Variants in PCDH11Y observed in about 807,000 individuals in gnomAD.
PCDH11Y encodes the protein protocadherin 11 Y-linked, also known as protocadherin-11 Y-linked.
For missense variants in PCDH11Y, 12 were observed against 224.8 expected, an observed-to-expected ratio of 0.05 and a Z score of 6.05; for synonymous variants, 9 against 83.6, an observed-to-expected ratio of 0.11 and a Z score of 4.87.
chrY:5,695,667 AC>A (rs2053571866), intron 4 of PCDH11Y, among the ~76,000 whole-genome samples: 1 of 28,915 alleles, frequency 3.5e-5, no homozygotes, highest in Non-Finnish European at 8.2e-5. Flanking sequence ...GTTTGAAATT[AC>A]CACGAGGCTT....
rs1602850278 is a variant in PCDH11Y at position 5,050,997 on chromosome Y, A to G, written c.33-5892A>G. 4.4e-4 allele frequency among the ~76,000 whole-genome samples: 14 copies of G among 32,102 alleles called. No individual in the cohort carries two copies. The East Asian group carries it at 0.011, about 26-fold the overall frequency. 86.1% of individuals were successfully genotyped at this position (32,102 alleles called of 37,273 possible). A position where few individuals can be genotyped will look rare whatever the true frequency, so the allele number is the denominator to read the frequency against. ...GATCTCTTTAATTTTGTGATGCTATACCACCTCCATAATTTCACCCATGAA... is the reference window on the plus strand; with the variant it reads ...GATCTCTTTAATTTTGTGATGCTATGCCACCTCCATAATTTCACCCATGAA... On this transcript the variant is annotated intron_variant, in intron 3 of 5. Coordinates refer to the PCDH11Y transcript ENST00000333703.
intron 2 of PCDH11Y, among the ~76,000 whole-genome samples, chrY:5,314,794 G>A (rs2053105513): frequency 3.0e-5 from 1 of 33,066 alleles, no homozygotes; most frequent in African/African-American, 1.2e-4. Flanking sequence ...TGTTGCATGT[G>A]AAAAGAGCTT....
At chrY:5,499,217 C>T (rs2053349702) in intron 2 of PCDH11Y, among the ~76,000 whole-genome samples, 1 of 32,616 alleles carries the variant, frequency 3.1e-5, no homozygotes, top group Non-Finnish European at 7.5e-5. Flanking sequence ...TTAGTTCCAG[C>T]AAGCTTTTCT....
intron 4 of PCDH11Y, among the ~76,000 whole-genome samples, chrY:5,669,711 C>T (rs2053547581): frequency 3.4e-5 from 1 of 29,362 alleles, no homozygotes; most frequent in Non-Finnish European, 8.2e-5. Flanking sequence ...TTATGTGATA[C>T]CTTGGATATT....
At chrY:5,299,754 C>CT (rs2053079892) in intron 2 of PCDH11Y, among the ~76,000 whole-genome samples, 2 of 30,441 alleles carry the variant, frequency 6.6e-5, no homozygotes, top group Non-Finnish European at 1.6e-4. Flanking sequence ...ACTTGAAATG[C>CT]TTTTTCTGGT....
chrY:5,342,621 A>C lies in PCDH11Y; in HGVS notation c.3130-158436A>C, dbSNP rs1602908087. 5.5e-4 allele frequency among the ~76,000 whole-genome samples: 18 copies of C among 32,830 alleles called. No individual in the cohort carries two copies. The South Asian group carries it at 0.012, about 22-fold the overall frequency. The allele number at this position is 32,830 out of a possible 37,273, so 88.1% of individuals were successfully genotyped here. ...TAGTCTTAACGGCCACAAATGTTTCATTCATATGCAGGTAGTTGGCAGCCA... is the reference window on the plus strand; with the variant it reads ...TAGTCTTAACGGCCACAAATGTTTCCTTCATATGCAGGTAGTTGGCAGCCA... On this transcript the variant is annotated intron_variant, in intron 2 of 4. Transcript: ENST00000400457.
chrY:5,043,825 C>T (rs2052623329), intron 3 of PCDH11Y, among the ~76,000 whole-genome samples: 1 of 32,924 alleles, frequency 3.0e-5, no homozygotes, highest in Non-Finnish European at 7.5e-5. Context: ...CAACTTCTTC[C>T]GGTTTAGTCT....
At chrY:5,644,631 C>T (rs2053525494) in intron 4 of PCDH11Y, among the ~76,000 whole-genome samples, 1 of 31,652 alleles carries the variant, frequency 3.2e-5, no homozygotes, top group Non-Finnish European at 7.7e-5. Flanking sequence ...GTCAGGAGTT[C>T]GAGACCAGCC....
At chrY:5,326,634 G>A in intron 2 of PCDH11Y, among the ~76,000 whole-genome samples, 1 of 32,495 alleles carries the variant, frequency 3.1e-5, no homozygotes, top group African/African-American at 1.2e-4. Flanking sequence ...TACAGTCGTG[G>A]GGGTCAGGTG....
At chrY:5,688,172 C>A in intron 4 of PCDH11Y, among the ~76,000 whole-genome samples, 1 of 33,387 alleles carries the variant, frequency 3.0e-5, no homozygotes, top group South Asian at 6.5e-4. Flanking sequence ...GATAATGGAA[C>A]CTTTCCCTCA....
intron 2 of PCDH11Y, among the ~76,000 whole-genome samples, chrY:5,435,403 A>T (rs2053273747): frequency 4.2e-4 from 10 of 23,777 alleles, no homozygotes; most frequent in South Asian, 1.0e-3. Context: ...GAGCTCCGCC[A>T]CCCTGGTTCA....
intron 4 of PCDH11Y, among the ~76,000 whole-genome samples, chrY:5,668,256 G>A: frequency 3.0e-5 from 1 of 33,090 alleles, no homozygotes; most frequent in Non-Finnish European, 7.5e-5. Context: ...AGGTACATCT[G>A]ATCATTGTAG....
intron 4 of PCDH11Y, among the ~76,000 whole-genome samples, chrY:5,673,863 AT>A (rs2053551585): frequency 3.3e-5 from 1 of 30,641 alleles, no homozygotes; most frequent in Non-Finnish European, 8.0e-5. Context: ...TTTGCTCTGA[AT>A]TTTTTATTAA....
intron 4 of PCDH11Y, among the ~76,000 whole-genome samples, chrY:5,720,502 G>A: frequency 3.7e-5 from 1 of 26,922 alleles, no homozygotes; most frequent in African/African-American, 1.5e-4. Context: ...ATACATTGCT[G>A]ATGGGAATGT....
intron 2 of PCDH11Y, among the ~76,000 whole-genome samples, chrY:5,373,734 G>A (rs1602914431): frequency 4.4e-5 from 1 of 22,817 alleles, no homozygotes; most frequent in Non-Finnish European, 9.9e-5. Context: ...ATATATATAT[G>A]TGTGTATATA....
chrY:5,205,557 T>C, intron 2 of PCDH11Y, among the ~76,000 whole-genome samples: 1 of 24,387 alleles, frequency 4.1e-5, no homozygotes, highest in African/African-American at 1.6e-4. Flanking sequence ...TATATATATA[T>C]ACACTGAATA....
intron 1 of PCDH11Y, among the ~76,000 whole-genome samples, chrY:5,089,398 T>C (rs2052737017): frequency 3.1e-5 from 1 of 32,590 alleles, no homozygotes; most frequent in East Asian, 8.1e-4. Context: ...TTGATTCTAC[T>C]TGGGCTACAT....
At chrY:5,503,489 A>G in intron 3 of PCDH11Y, among the ~76,000 whole-genome samples, 1 of 33,003 alleles carries the variant, frequency 3.0e-5, no homozygotes, top group Non-Finnish European at 7.6e-5. Flanking sequence ...TTTTTTTACT[A>G]TGAATAATAC....
intron 2 of PCDH11Y, among the ~76,000 whole-genome samples, chrY:5,170,573 G>A: frequency 3.8e-5 from 1 of 26,131 alleles, no homozygotes; most frequent in African/African-American, 1.5e-4. Context: ...TGCAGTTACT[G>A]CAAAGAGCAT....
Sources: gnomAD v4.1 joint callset for allele counts (sites outside exome capture counted in the v4.1 genomes callset) on GRCh38, gnomAD v4.1.1 for gene constraint, MANE v1.5 for transcripts, NCBI Gene and HGNC (gene_info 2026-07-23, HGNC 2026-07-21) for gene names.